F8: variants seen among roughly 807,000 people sequenced by gnomAD.
The protein encoded by F8 is coagulation factor VIII.
In F8, 12 loss-of-function variants were observed where a neutral mutation model predicts 140.6. The observed-to-expected ratio is 0.09, with a 90% confidence interval of 0.05 to 0.14. F8 has a LOEUF of 0.14. F8 is among the 10% of genes least tolerant of loss of function. F8 has a pLI of 1.00. For synonymous variants in F8, 585 were observed against 614.6 expected, an observed-to-expected ratio of 0.95 and a Z score of 0.71; for missense variants, 1,354 against 1,720.7, an observed-to-expected ratio of 0.79 and a Z score of 3.77.
At chrX:155,000,962 C>T (rs1179624486) in intron 1 of F8, among the ~76,000 whole-genome samples, 1 of 111,521 alleles carries the variant, frequency 9.0e-6, no homozygotes, top group Non-Finnish European at 1.9e-5. Context: ...GAGGCAGCTT[C>T]TGATTGTAAG....
At chrX:154,902,892 C>T (rs1385534193) in intron 18 of F8, among the ~76,000 whole-genome samples, 3 of 112,126 alleles carry the variant, frequency 2.7e-5, no homozygotes, top group Non-Finnish European at 5.6e-5. Flanking sequence ...GAAGCACGAT[C>T]ATCACAAGGT....
At chrX:154,910,553 T>C (rs961287154) in intron 14 of F8, among the ~76,000 whole-genome samples, 19 of 111,334 alleles carry the variant, frequency 1.7e-4, no homozygotes, top group South Asian at 1.1e-3. Context: ...CCCTAGAACT[T>C]AAAGTATAAT....
chrX:154,906,405 C>T lies in F8; in HGVS notation c.5373+15G>A, dbSNP rs2073038415. 1.5e-5 allele frequency: 18 copies of T among 1,186,006 alleles called. No individual in the cohort carries two copies. Among genetic ancestry groups the T allele is most frequent in the Non-Finnish European group, 1.9e-5 (17 of 880,363 alleles). On this transcript the variant is annotated intron_variant, in intron 15 of 25. Transcript: ENST00000360256. ...TAAAATTAATTTTCTTGTAATTCCA[C>T]TGTCCTTAACTCACCATGATATTAT...
chrX:154,997,646 A>T (rs1281186404), intron 2 of F8, among the ~76,000 whole-genome samples: 5 of 111,943 alleles, frequency 4.5e-5, no homozygotes, highest in Non-Finnish European at 9.4e-5. Context: ...GGCAGAAATA[A>T]GTTTGGTATA....
intron 1 of F8, among the ~76,000 whole-genome samples, chrX:155,018,705 A>G (rs1387291445): frequency 1.8e-5 from 2 of 112,441 alleles, no homozygotes; most frequent in African/African-American, 6.5e-5. Context: ...AATTGAAAAA[A>G]TAAATAAAGT....
At chrX:154,938,311 T>C (rs1405577677) in intron 13 of F8, among the ~76,000 whole-genome samples, 3 of 111,958 alleles carry the variant, frequency 2.7e-5, no homozygotes, top group African/African-American at 6.5e-5. Flanking sequence ...ATCAGATTCA[T>C]GGCAAAGACA....
intron 25 of F8, among the ~76,000 whole-genome samples, chrX:154,843,385 T>G (rs868941516): frequency 2.0e-4 from 22 of 111,817 alleles, no homozygotes; most frequent in African/African-American, 5.2e-4. Flanking sequence ...CTTCCACAAT[T>G]GTTGAACTAG....
chrX:154,933,326 G>A (rs181587379), intron 13 of F8, among the ~76,000 whole-genome samples: 509 of 111,959 alleles, frequency 4.5e-3, no homozygotes, highest in Non-Finnish European at 7.9e-3. Context: ...AGACACCTCA[G>A]CTGTCAATCT....
At chrX:155,017,950 C>T (rs188986205) in intron 1 of F8, among the ~76,000 whole-genome samples, 4 of 111,283 alleles carry the variant, frequency 3.6e-5, no homozygotes, top group African/African-American at 9.8e-5. Context: ...CTGCCACCTC[C>T]GCCTCCTAGG....
At chrX:154,995,187 T>G (rs1480610926) in intron 3 of F8, among the ~76,000 whole-genome samples, 1 of 112,177 alleles carries the variant, frequency 8.9e-6, no homozygotes, top group Admixed American at 9.5e-5. Context: ...AATATTTCAT[T>G]AGGAAAAAAA....
chrX:155,012,921 C>T (rs902371504), intron 1 of F8, among the ~76,000 whole-genome samples: 4 of 109,333 alleles, frequency 3.7e-5, no homozygotes, highest in South Asian at 3.9e-4. Context: ...CCGAGGTGGG[C>T]GGATCATGAG....
Position 154,930,897 on chromosome X carries a change from T to C in F8, c.2893A>G (p.Lys965Glu), listed in dbSNP as rs1557278725. The C allele has an allele frequency of 1.7e-6, 2 of 1,200,580 alleles. No homozygotes were observed. Among genetic ancestry groups the C allele is most frequent in the East Asian group, 3.0e-5 (1 of 33,709 alleles). Residue 965 changes from lysine to glutamate, a missense_variant, in exon 14 of 26, where the codon AAG (lysine) becomes GAG (glutamate). By Grantham distance (56) the Lys-to-Glu change is moderately conservative (BLOSUM62 1). Transcript: ENST00000360256. ...LSLSEENNDS[K>E]LLESGLMNSQ... ...TTCATTAAACCTGATTCTAACAACTTTGAATCATTATTTTCTTCACTCAAG... is the reference window on the plus strand; with the variant it reads ...TTCATTAAACCTGATTCTAACAACTCTGAATCATTATTTTCTTCACTCAAG...
chrX:154,987,360 A>C (rs1288355254), intron 4 of F8, 55 bp from the exon 5 acceptor site: 4 of 1,021,731 alleles, frequency 3.9e-6, no homozygotes, highest in Non-Finnish European at 5.5e-6. Flanking sequence ...ATTGTAGGAA[A>C]TTGTCACTAG....
At position 154,929,585 on chromosome X, in the gene F8, G is replaced by C; in HGVS notation, c.4205C>G (p.Ala1402Gly). The C allele has an allele frequency of 8.3e-7, 1 of 1,211,091 alleles. No individual in the cohort carries two copies. The highest frequency in any genetic ancestry group is 1.1e-6 in the Non-Finnish European group (1 of 895,152). ...TGCAATGGGTAATGGAGATCTATTTGCTTGAGGGATGCTATGACTCCTCGT... is the reference window on the plus strand; with the variant it reads ...TGCAATGGGTAATGGAGATCTATTTCCTTGAGGGATGCTATGACTCCTCGT... ...CLTRSHSIPQ[A>G]NRSPLPIAKV... Residue 1402 changes from alanine to glycine, a missense_variant, in exon 14 of 26, where the codon GCA (alanine) becomes GGA (glycine). Around this residue, in one of 4 missense-constraint regions of F8, gnomAD observed 658 missense variants for 666.5 expected, o/e 0.99. Transcript: ENST00000360256.
At chrX:154,975,463 A>G (rs1365675355) in intron 6 of F8, among the ~76,000 whole-genome samples, 1 of 112,136 alleles carries the variant, frequency 8.9e-6, no homozygotes, top group Non-Finnish European at 1.9e-5. Context: ...GTTAGTTAAG[A>G]CTTGCTTTGT....
intron 12 of F8, among the ~76,000 whole-genome samples, chrX:154,951,323 CA>C (rs1479109225): frequency 1.8e-5 from 2 of 111,888 alleles, no homozygotes; most frequent in Non-Finnish European, 3.8e-5. Flanking sequence ...GCTATCCCCA[CA>C]AAACACATGT....
chrX:154,935,437 T>A (rs1311186529), intron 13 of F8, among the ~76,000 whole-genome samples: 1 of 111,682 alleles, frequency 9.0e-6, no homozygotes, highest in Non-Finnish European at 1.9e-5. Flanking sequence ...GGGAAAAGAA[T>A]CATATTTTCA....
chrX:155,011,316 T>TC (rs2073705191), intron 1 of F8, among the ~76,000 whole-genome samples: 1 of 112,394 alleles, frequency 8.9e-6, no homozygotes, highest in South Asian at 3.6e-4. Flanking sequence ...CTCAACAACG[T>TC]AAGTCATCAG....
At chrX:154,979,325 G>A (rs1557283298) in intron 6 of F8, among the ~76,000 whole-genome samples, 2 of 111,222 alleles carry the variant, frequency 1.8e-5, no homozygotes, top group Non-Finnish European at 3.8e-5. Flanking sequence ...CAGACCCCAG[G>A]AGGTGCTCAG....
Sources: gnomAD v4.1 joint callset for allele counts (sites outside exome capture counted in the v4.1 genomes callset) on GRCh38, gnomAD v4.1.1 for gene constraint, gnomAD v4.1.1 regional missense constraint, MANE v1.5 for transcripts, NCBI Gene and HGNC (gene_info 2026-07-23, HGNC 2026-07-21) for gene names.